The following RALB variants were observed in gnomAD, a reference collection of about 807,000 sequenced individuals.
RALB encodes ras-related protein Ral-B.
Under a neutral mutation model 21.3 loss-of-function variants are expected in RALB, and 16 were observed. That is an observed-to-expected ratio of 0.75 (90% confidence interval 0.51 to 1.14). The LOEUF is 1.14. Ranked by LOEUF, RALB falls within the 50% of genes most tolerant of loss-of-function variation. The pLI is 0.00. For synonymous variants in RALB, 93 were observed against 96.1 expected (o/e 0.97, Z 0.19); for missense variants, 161 against 256.2 (o/e 0.63, Z 2.54).
chr2:120,251,081 TGGGTCCTA>T (rs1490919103), upstream of RALB, among the ~76,000 whole-genome samples: 2 of 152,222 alleles, frequency 1.3e-5, no homozygotes, highest in Non-Finnish European at 2.9e-5. Flanking sequence ...GCATCTGCTG[TGGGTCCTA>T]GGGGATGGGG....
At chr2:120,277,792 T>C (rs1162756716) in intron 1 of RALB, among the ~76,000 whole-genome samples, 1 of 151,148 alleles carries the variant, frequency 6.6e-6, no homozygotes, top group Non-Finnish European at 1.5e-5. Context: ...TGTGAGCCTG[T>C]GATAGTGTGT....
At chr2:120,269,583 G>A (rs1689607851) in intron 1 of RALB, among the ~76,000 whole-genome samples, 1 of 152,152 alleles carries the variant, frequency 6.6e-6, no homozygotes, top group Non-Finnish European at 1.5e-5. Context: ...CCTCTAGCCA[G>A]CCACAGAGCG....
At chr2:120,262,097 A>G (rs1054336668) in intron 1 of RALB, among the ~76,000 whole-genome samples, 8 of 152,218 alleles carry the variant, frequency 5.3e-5, no homozygotes, top group Non-Finnish European at 8.8e-5. Context: ...TCTGCAGACC[A>G]GAAGCAGATG....
At chr2:120,277,395 G>C (rs2104630927) in intron 1 of RALB, among the ~76,000 whole-genome samples, 1 of 151,970 alleles carries the variant, frequency 6.6e-6, no homozygotes, top group South Asian at 2.1e-4. Context: ...ATGTATGTGT[G>C]AGAGCATGTG....
intron 4 of RALB, 97 bp downstream of exon 4, chr2:120,289,854 A>C (rs1690266192): frequency 3.4e-6 from 4 of 1,165,926 alleles, no homozygotes; most frequent in Non-Finnish European, 3.5e-6. Flanking sequence ...ATTTATGAAA[A>C]CTAGGTGAAG....
intron 1 of RALB, among the ~76,000 whole-genome samples, chr2:120,262,600 C>G (rs1335034909): frequency 6.6e-6 from 1 of 152,080 alleles, no homozygotes; most frequent in Non-Finnish European, 1.5e-5. Context: ...GGAGGGTGGT[C>G]CTGTTCTAGC....
At chr2:120,259,101 C>T (rs529499280) in intron 1 of RALB, among the ~76,000 whole-genome samples, 4 of 152,234 alleles carry the variant, frequency 2.6e-5, no homozygotes, top group East Asian at 1.9e-4. Context: ...TGCAGATCTT[C>T]GCGGTGAGTG....
intron 4 of RALB, among the ~76,000 whole-genome samples, chr2:120,290,609 C>T (rs891367048): frequency 1.1e-4 from 17 of 149,154 alleles, no homozygotes; most frequent in Non-Finnish European, 8.9e-5. Flanking sequence ...TATTTGCTCT[C>T]AGAACTCAAA....
intron 1 of RALB, among the ~76,000 whole-genome samples, chr2:120,243,645 G>A (rs901117759): frequency 6.6e-6 from 1 of 152,198 alleles, no homozygotes; most frequent in Non-Finnish European, 1.5e-5. Flanking sequence ...CTGTTGGTGG[G>A]TGTGGGCCCC....
At chr2:120,270,860 CAGCTT>C (rs1369222048) in intron 1 of RALB, among the ~76,000 whole-genome samples, 1 of 151,864 alleles carries the variant, frequency 6.6e-6, no homozygotes, top group African/African-American at 2.4e-5. Flanking sequence ...TACATTGTCC[CAGCTT>C]TAGGATTGCC....
chr2:120,244,339 G>C (rs147722179), intron 1 of RALB, among the ~76,000 whole-genome samples: 1,906 of 151,928 alleles, frequency 0.013, 25 homozygotes, highest in Non-Finnish European at 0.021. Context: ...AGACACATGA[G>C]GCAGCCTTGG....
At chr2:120,246,493 G>A (rs749321572) in intron 1 of RALB, among the ~76,000 whole-genome samples, 8 of 152,198 alleles carry the variant, frequency 5.3e-5, no homozygotes, top group South Asian at 2.1e-4. Flanking sequence ...ACAGCCGAAC[G>A]TCTAACAGTG....
In RALB at chr2:120,289,598, G is replaced by A; in HGVS notation, c.342G>A (p.Val114=). Residue 114 remains valine, a synonymous_variant, in exon 4 of 5, where the codon GTG becomes GTA. Transcript: ENST00000272519. ...ACCTTAGGGAACAGATTCTCCGTGT[G>A]AAGGCTGAAGAAGATAAAATTCCAC... ...TAEFREQILR[V]KAEEDKIPLL... The A allele has an allele frequency of 6.2e-7, 1 of 1,614,034 alleles. No individual in the cohort carries two copies. The highest frequency in any genetic ancestry group is 8.5e-7 in the Non-Finnish European group (1 of 1,179,934).
intron 1 of RALB, among the ~76,000 whole-genome samples, chr2:120,255,638 G>A (rs1280097713): frequency 6.6e-6 from 1 of 152,242 alleles, no homozygotes; most frequent in Non-Finnish European, 1.5e-5. Flanking sequence ...TGAAGAGGAT[G>A]TGGAAGTGAG....
upstream of RALB, among the ~76,000 whole-genome samples, chr2:120,249,247 C>G (rs1689016336): frequency 6.6e-6 from 1 of 152,090 alleles, no homozygotes; most frequent in South Asian, 2.1e-4. Context: ...GTTGGCCAGG[C>G]TGGTCTCAAA....
At chr2:120,277,905 G>A (rs1689872087) in intron 1 of RALB, among the ~76,000 whole-genome samples, 1 of 151,312 alleles carries the variant, frequency 6.6e-6, no homozygotes, top group Non-Finnish European at 1.5e-5. Flanking sequence ...GTGAGCGTGT[G>A]TGTGAATGTG....
chr2:120,258,283 C>T (rs1396440638), intron 1 of RALB, among the ~76,000 whole-genome samples: 1 of 152,238 alleles, frequency 6.6e-6, no homozygotes, highest in African/African-American at 2.4e-5. Flanking sequence ...GCCTCTTTCT[C>T]TCTGCTGCAG....
chr2:120,283,813 G>A (rs947793584), intron 2 of RALB, among the ~76,000 whole-genome samples: 3 of 152,230 alleles, frequency 2.0e-5, no homozygotes, highest in Admixed American at 6.5e-5. Context: ...TAGGGGATAC[G>A]TATGGTTCAC....
intron 4 of RALB, among the ~76,000 whole-genome samples, chr2:120,291,372 T>G (rs759265941): frequency 2.0e-5 from 3 of 152,206 alleles, no homozygotes; most frequent in Non-Finnish European, 4.4e-5. Context: ...CTTAAAATAT[T>G]TTTATTAAAT....
Sources: allele counts gnomAD v4.1 joint callset (sites outside exome capture counted in the v4.1 genomes callset), GRCh38; gene constraint gnomAD v4.1.1; transcripts MANE v1.5; gene names NCBI Gene and HGNC (gene_info 2026-07-23, HGNC 2026-07-21).